TNRC6A: variants seen among roughly 807,000 people sequenced by gnomAD.
TNRC6A encodes the protein trinucleotide repeat-containing gene 6A protein.
In TNRC6A, 44 loss-of-function variants were observed where a neutral mutation model predicts 221.2. The ratio of observed to expected loss-of-function variants is 0.20; its 90% confidence interval spans 0.16 to 0.26. The LOEUF (loss-of-function observed/expected upper bound fraction) is 0.26. Ranked by LOEUF, TNRC6A falls within the 10% of genes least tolerant of loss-of-function variation. The pLI is 1.00. For synonymous variants in TNRC6A, 847 were observed against 838.5 expected, an observed-to-expected ratio of 1.01 and a Z score of -0.18; for missense variants, 2,199 against 2,404.4, an observed-to-expected ratio of 0.91 and a Z score of 1.79.
At chr16:24,655,709 G>C (rs802763) in intron 2 of TNRC6A, among the ~76,000 whole-genome samples, 1 of 151,702 alleles carries the variant, frequency 6.6e-6, no homozygotes. Context: ...AGAGTATTTC[G>C]GTAGAAATAT....
Position 24,790,954 on chromosome 16 carries a change from G to T in TNRC6A, c.2312G>T (p.Ser771Ile). Residue 771 changes from serine to isoleucine, a missense_variant, in exon 6 of 25, where the codon AGC becomes ATC. By Grantham distance (142) the Ser-to-Ile change is moderately radical. Transcript: ENST00000395799. ...TCAGGGGCATGTATAGATAAGACTA[G>T]CCCTAATGGTAATGATACCTCATCT... ...FNSGACIDKT[S>I]PNGNDTSSVS... The T allele has an allele frequency of 6.2e-7, 1 of 1,611,838 alleles. No homozygotes were observed. Among genetic ancestry groups the T allele is most frequent in the Non-Finnish European group, 8.5e-7 (1 of 1,178,940 alleles).
chr16:24,657,688 G>A (rs1298515239), intron 2 of TNRC6A, among the ~76,000 whole-genome samples: 6 of 137,988 alleles, frequency 4.3e-5, no homozygotes, highest in Admixed American at 3.1e-4. Flanking sequence ...CAGCTTGGGC[G>A]ACAGAGCAAA....
intron 4 of TNRC6A, among the ~76,000 whole-genome samples, chr16:24,770,233 G>T (rs1173645386): frequency 6.6e-5 from 10 of 152,216 alleles, no homozygotes; most frequent in Admixed American, 6.5e-4. Context: ...AGAAGAGAAT[G>T]CAGTGAGTGT....
chr16:24,731,232 G>A (rs1271009187), intron 2 of TNRC6A, among the ~76,000 whole-genome samples: 1 of 151,778 alleles, frequency 6.6e-6, no homozygotes, highest in African/African-American at 2.4e-5. Context: ...AAAATAAAAT[G>A]AAATTTCTCC....
chr16:24,776,374 A>G, intron 4 of TNRC6A: 10 of 985,346 alleles, frequency 1.0e-5, no homozygotes, highest in African/African-American at 1.7e-5. Context: ...TTTGTCTTAT[A>G]TGATTCAGAT....
At chr16:24,635,481 C>T (rs1217804952) in intron 1 of TNRC6A, among the ~76,000 whole-genome samples, 3 of 152,060 alleles carry the variant, frequency 2.0e-5, no homozygotes, top group Non-Finnish European at 4.4e-5. Context: ...CAGGGTTTCA[C>T]CATGTTGGCC....
intron 22 of TNRC6A, 120 bp downstream of exon 22, chr16:24,820,480 A>G (rs2058746357): frequency 1.0e-5 from 9 of 866,812 alleles, no homozygotes; most frequent in South Asian, 1.6e-5. Flanking sequence ...ATCAGGGGGA[A>G]TGAGAACTTC....
rs1402582098 is a variant in TNRC6A, at chr16:24,824,125, A to AGCC, written c.*318_*319insGCC. The AGCC allele has an allele frequency of 4.7e-5, 1 of 21,396 alleles. No individual in the cohort carries two copies. The highest frequency in any genetic ancestry group is 8.9e-5 in the Non-Finnish European group (1 of 11,196). 1.3% of individuals were successfully genotyped at this position (21,396 alleles called of 1,614,324 possible). ...TTTTTTTTTCCTTCTATTCCTCCCC[A>AGCC]ACCCCCCCCCCCGCCCCTTTTTTTC... On this transcript the variant is annotated 3_prime_UTR_variant, in exon 25 of 25. Transcript: ENST00000395799.
intron 2 of TNRC6A, among the ~76,000 whole-genome samples, chr16:24,724,644 T>G (rs2056463591): frequency 6.6e-6 from 1 of 151,964 alleles, no homozygotes; most frequent in South Asian, 2.1e-4. Context: ...TACTTGAGGC[T>G]GAGGTGGGAG....
At chr16:24,820,402 TA>T in intron 22 of TNRC6A, 42 bp downstream of exon 22, 2 of 1,577,898 alleles carry the variant, frequency 1.3e-6, no homozygotes, top group Non-Finnish European at 1.7e-6. Context: ...GTTTATTTGC[TA>T]AACGCTAACC....
intron 22 of TNRC6A, chr16:24,821,691 T>A: frequency 5.5e-6 from 1 of 182,682 alleles, no homozygotes; most frequent in Non-Finnish European, 1.1e-5. Context: ...TGGAATCCCC[T>A]TAAAGCTTCA....
intron 2 of TNRC6A, among the ~76,000 whole-genome samples, chr16:24,714,452 G>T (rs1247080192): frequency 6.6e-6 from 1 of 151,720 alleles, no homozygotes; most frequent in East Asian, 1.9e-4. Flanking sequence ...GGGACTACAG[G>T]TGCCCACCAC....
chr16:24,652,227 G>A (rs1902712686), intron 2 of TNRC6A, among the ~76,000 whole-genome samples: 1 of 151,994 alleles, frequency 6.6e-6, no homozygotes, highest in Non-Finnish European at 1.5e-5. Flanking sequence ...CTTAAGAAAG[G>A]AAACTCTTGA....
rs530914871 is a variant in TNRC6A, at chr16:24,645,020, A to G, written n.402+4011A>G. On this transcript the variant is annotated intron_variant and non_coding_transcript_variant, in intron 2 of 2. Transcript: ENST00000566108. ...TTACAGTACAGCTGTCATTGAAAAC[A>G]TTTGATCTGTATTTATAGTTACAGT... 2.6e-5 allele frequency among the ~76,000 whole-genome samples: 4 copies of G among 152,330 alleles called. No individual in the cohort carries two copies. The South Asian group carries it at 6.2e-4, about 24-fold the overall frequency.
chr16:24,716,969 G>GAAAAAAAAAAAAAAAAAAAAAAAAAAAA (rs61090241), intron 2 of TNRC6A, among the ~76,000 whole-genome samples: 6 of 107,526 alleles, frequency 5.6e-5, no homozygotes, highest in Non-Finnish European at 8.1e-5. Flanking sequence ...AAAAAAAAAA[G>GAAAAAAAAAAAAAAAAAAAAAAAAAAAA]AAAAAAAAAA....
chr16:24,763,126 A>G (rs183607318), intron 4 of TNRC6A, among the ~76,000 whole-genome samples: 1 of 152,342 alleles, frequency 6.6e-6, no homozygotes, highest in African/African-American at 2.4e-5. Context: ...TTGAGAGCCA[A>G]GCAAGCAGCT....
chr16:24,731,424 T>A (rs2056639120), intron 2 of TNRC6A, among the ~76,000 whole-genome samples: 1 of 152,196 alleles, frequency 6.6e-6, no homozygotes, highest in Non-Finnish European at 1.5e-5. Context: ...AAGAATGTGT[T>A]CAGATGGTGA....
chr16:24,730,305 G>T lies in TNRC6A; in HGVS notation c.53+5G>T, dbSNP rs1226132017. 1.2e-6 allele frequency: 2 copies of T among 1,604,614 alleles called. No homozygotes were observed. Among genetic ancestry groups the T allele is most frequent in the Non-Finnish European group, 1.7e-6 (2 of 1,176,420 alleles). The stretch of plus-strand genomic sequence containing the variant: ...CGTAGAAAGAAATCTTAGCAGGTAA[G>T]ATGGGCGAGCTTTCCGTCTCCCGCC... On this transcript the variant is annotated splice_donor_5th_base_variant and intron_variant, in intron 2 of 24. Transcript: ENST00000395799.
intron 1 of TNRC6A, among the ~76,000 whole-genome samples, chr16:24,611,175 C>A (rs568133875): frequency 6.6e-6 from 1 of 152,146 alleles, no homozygotes; most frequent in Non-Finnish European, 1.5e-5. Context: ...GAGTTCCTCT[C>A]ATCCTCTAAC....
Sources: gnomAD v4.1 joint callset for allele counts (sites outside exome capture counted in the v4.1 genomes callset) on GRCh38, gnomAD v4.1.1 for gene constraint, MANE v1.5 for transcripts, NCBI Gene and HGNC (gene_info 2026-07-23, HGNC 2026-07-21) for gene names.